Variants in RNF128 observed in about 807,000 individuals in gnomAD.
RNF128 encodes ring finger protein 128, also known as E3 ubiquitin-protein ligase RNF128.
A neutral mutation model predicts 26.2 loss-of-function variants in RNF128; 13 were observed. The observed-to-expected ratio is 0.50, with a 90% CI of 0.32 to 0.79. RNF128 has a LOEUF of 0.79. Ranked by LOEUF, RNF128 falls within the 30% of genes least tolerant of loss-of-function variation. RNF128 has a pLI of 0.03. For synonymous variants in RNF128, 149 were observed against 142.5 expected, an observed-to-expected ratio of 1.05 and a Z score of -0.32; for missense variants, 315 against 349.7, an observed-to-expected ratio of 0.90 and a Z score of 0.79.
At chrX:106,762,722 C>G (rs1263423603) in intron 1 of RNF128, among the ~76,000 whole-genome samples, 4 of 110,100 alleles carry the variant, frequency 3.6e-5, no homozygotes. Context: ...TTCTTTGCAG[C>G]AACATGGATG....
At chrX:106,717,209 A>C (rs760259757) in intron 1 of RNF128, among the ~76,000 whole-genome samples, 1 of 111,131 alleles carries the variant, frequency 9.0e-6, no homozygotes, top group South Asian at 3.8e-4. Context: ...TCTCAAAAAA[A>C]AAAAAAGAAA....
upstream of RNF128, among the ~76,000 whole-genome samples, chrX:106,722,459 C>A (rs1449642550): frequency 1.8e-5 from 2 of 111,815 alleles, no homozygotes; most frequent in African/African-American, 6.5e-5. Context: ...TGCTCCTGAT[C>A]AACAGACCTC....
chrX:106,724,816 G>A (rs979371264), upstream of RNF128, among the ~76,000 whole-genome samples: 2 of 111,410 alleles, frequency 1.8e-5, no homozygotes, highest in African/African-American at 6.5e-5. Context: ...ACTCTATACT[G>A]CACTTTCCAT....
intron 1 of RNF128, among the ~76,000 whole-genome samples, chrX:106,762,614 T>A (rs1397590594): frequency 1.8e-5 from 2 of 111,192 alleles, no homozygotes; most frequent in Non-Finnish European, 1.9e-5. Flanking sequence ...AAGCCCAGTC[T>A]TGAAATTTTT....
chrX:106,769,324 T>C (rs897526517), intron 1 of RNF128, among the ~76,000 whole-genome samples: 1 of 110,823 alleles, frequency 9.0e-6, no homozygotes, highest in African/African-American at 3.3e-5. Flanking sequence ...TTTTAAAGTC[T>C]CCCATTATTA....
intron 1 of RNF128, among the ~76,000 whole-genome samples, chrX:106,737,666 C>A (rs1452025768): frequency 9.0e-6 from 1 of 111,346 alleles, no homozygotes; most frequent in African/African-American, 3.3e-5. Flanking sequence ...GGAGGGCTGA[C>A]TATACATCTC....
intron 1 of RNF128, among the ~76,000 whole-genome samples, chrX:106,767,196 C>T (rs1224967591): frequency 5.4e-5 from 6 of 111,509 alleles, no homozygotes; most frequent in Admixed American, 3.8e-4. Flanking sequence ...CTTGGCGATG[C>T]GGGCTCTTTG....
intron 1 of RNF128, among the ~76,000 whole-genome samples, chrX:106,736,786 G>GT (rs1213997667): frequency 8.9e-6 from 1 of 112,044 alleles, no homozygotes; most frequent in Non-Finnish European, 1.9e-5. Flanking sequence ...TTGCTTTGCA[G>GT]TTTTTTGTCC....
At chrX:106,750,659 A>G (rs927023459) in intron 1 of RNF128, among the ~76,000 whole-genome samples, 3 of 111,236 alleles carry the variant, frequency 2.7e-5, no homozygotes, top group Non-Finnish European at 3.8e-5. Flanking sequence ...TTTCTCTAGA[A>G]GCTAATTTTA....
chrX:106,759,701 G>T (rs1237813198), intron 1 of RNF128, among the ~76,000 whole-genome samples: 3 of 111,841 alleles, frequency 2.7e-5, no homozygotes, highest in Non-Finnish European at 5.7e-5. Flanking sequence ...GACAAACTTT[G>T]CATGTTTTCC....
At chrX:106,715,806 G>C (rs1342576324) in intron 1 of RNF128, among the ~76,000 whole-genome samples, 1 of 111,422 alleles carries the variant, frequency 9.0e-6, no homozygotes, top group Non-Finnish European at 1.9e-5. Flanking sequence ...TACCTACCTG[G>C]ACAGAGAGCT....
intron 2 of RNF128, among the ~76,000 whole-genome samples, chrX:106,784,271 A>G (rs189082422): frequency 1.3e-3 from 143 of 111,444 alleles, no homozygotes; most frequent in Non-Finnish European, 1.4e-3. Flanking sequence ...ACATAGAGGG[A>G]CAATGTGTTA....
At chrX:106,768,630 T>C (rs1602385741) in intron 1 of RNF128, among the ~76,000 whole-genome samples, 3 of 110,453 alleles carry the variant, frequency 2.7e-5, no homozygotes, top group African/African-American at 9.9e-5. Flanking sequence ...GTCTTGCTAG[T>C]GGTCTATCAA....
intron 1 of RNF128, among the ~76,000 whole-genome samples, chrX:106,706,509 T>C (rs1322903723): frequency 8.9e-6 from 1 of 112,096 alleles, no homozygotes. Flanking sequence ...CAAGCATGCA[T>C]GGCTTCTACC....
chrX:106,766,300 C>G (rs1447089031), intron 1 of RNF128, among the ~76,000 whole-genome samples: 2 of 111,939 alleles, frequency 1.8e-5, no homozygotes, highest in African/African-American at 6.5e-5. Context: ...CACTGTCTTC[C>G]ACAATGGTTG....
intron 1 of RNF128, among the ~76,000 whole-genome samples, chrX:106,702,889 C>T (rs1296958991): frequency 1.8e-5 from 2 of 111,820 alleles, no homozygotes; most frequent in Non-Finnish European, 3.8e-5. Context: ...CACCTATGCT[C>T]AGGACATGCT....
intron 1 of RNF128, among the ~76,000 whole-genome samples, chrX:106,757,770 G>A (rs1471190780): frequency 1.8e-5 from 2 of 111,536 alleles, no homozygotes; most frequent in Non-Finnish European, 3.8e-5. Flanking sequence ...TAAAAAATCT[G>A]TGTATGCAAG....
chrX:106,752,353 G>A (rs778257215), intron 1 of RNF128, among the ~76,000 whole-genome samples: 33 of 112,463 alleles, frequency 2.9e-4, no homozygotes, highest in Non-Finnish European at 5.4e-4. Flanking sequence ...TGGTGAGAGA[G>A]ATTCCTTTTG....
At position 106,773,050 on chromosome X, in the gene RNF128, A is replaced by T. The variant is rs762123904; in HGVS notation, c.622A>T (p.Ile208Phe). Residue 208 changes from isoleucine (I) to phenylalanine (F), a missense_variant, in exon 2 of 7, where the codon ATT becomes TTT. Physicochemically the swap from Ile to Phe is conservative, Grantham distance 21. Transcript: ENST00000255499. Reference protein sequence around the residue: ...KHGPWVNHYSIFFVSVSFFII... With the variant: ...KHGPWVNHYSFFFVSVSFFII... ...TGGCCCTTGGGTGAATCACTATTCA[A>T]TTTTTTTCGTTTCTGTGTCCTTTTT... The T allele has an allele frequency of 1.7e-6, 2 of 1,210,905 alleles. No homozygotes were observed. Among genetic ancestry groups the T allele is most frequent in the Non-Finnish European group, 2.2e-6 (2 of 895,250 alleles).
Sources: allele counts gnomAD v4.1 joint callset (sites outside exome capture counted in the v4.1 genomes callset), GRCh38; gene constraint gnomAD v4.1.1; transcripts MANE v1.5; gene names NCBI Gene and HGNC (gene_info 2026-07-23, HGNC 2026-07-21).